Variants in GALNT18 observed in about 807,000 individuals in gnomAD.
GALNT18 encodes GalNAc-transferase 18.
In GALNT18, 44 loss-of-function variants were observed where a neutral mutation model predicts 69.5. That is an observed-to-expected ratio of 0.63 (90% CI 0.50 to 0.81). GALNT18 has a LOEUF of 0.81. Ranked by LOEUF, GALNT18 falls within the 40% of genes least tolerant of loss-of-function variation. The pLI is 0.00. For synonymous variants in GALNT18, 364 were observed against 318.2 expected (o/e 1.14, Z -1.53); for missense variants, 715 against 810.0 (o/e 0.88, Z 1.42).
chr11:11,372,003 A>G lies in GALNT18; in HGVS notation c.1092+512T>C, dbSNP rs1344830146. On this transcript the variant is annotated intron_variant, in intron 6 of 10. Coordinates refer to ENST00000227756, the MANE Select transcript of GALNT18 (RefSeq NM_198516.3). The surrounding 1 kb of genome is among the most constrained non-coding windows in gnomAD (Gnocchi z 4.9). ...GTGGGTCTGGCTAGCACCTGGGATCAGAAAGCAGCCTGCAGTGAGCCTGGC... is the reference window on the plus strand; with the variant it reads ...GTGGGTCTGGCTAGCACCTGGGATCGGAAAGCAGCCTGCAGTGAGCCTGGC... Among the ~76,000 whole-genome samples, 1 of 152,214 alleles carries G rather than the reference A, an allele frequency of 6.6e-6. No homozygotes were observed. The highest frequency in any genetic ancestry group is 2.4e-5 in the African/African-American group (1 of 41,458).
chr11:11,380,836 T>A (rs1853896336), intron 3 of GALNT18, among the ~76,000 whole-genome samples: 1 of 152,242 alleles, frequency 6.6e-6, no homozygotes, highest in African/African-American at 2.4e-5. Context: ...TTACCCAATG[T>A]CTTTCTTATC....
intron 10 of GALNT18, among the ~76,000 whole-genome samples, chr11:11,280,361 T>C (rs903200294): frequency 2.6e-5 from 4 of 152,130 alleles, no homozygotes; most frequent in African/African-American, 9.7e-5. Flanking sequence ...CTCACATGCC[T>C]AATGGCCTCT....
intron 3 of GALNT18, among the ~76,000 whole-genome samples, chr11:11,391,090 T>C (rs1345604486): frequency 6.6e-6 from 1 of 152,220 alleles, no homozygotes; most frequent in Non-Finnish European, 1.5e-5. Context: ...CCCTCTGTCC[T>C]GCATTTCTGA....
rs1853976603 is a variant in GALNT18, at chr11:11,383,706, TG to T, written c.596-4443del. Among the ~76,000 whole-genome samples the T allele has an allele frequency of 2.0e-5, 3 of 152,350 alleles. No homozygotes were observed. The South Asian group carries it at 6.2e-4, about 32-fold the overall frequency. ...TCCCCACCCAAATCTCATCTTGAAT[TG>T]TAATCCCCATGTGTTAAGGTGATTG... On this transcript the variant is annotated intron_variant, in intron 3 of 10. Transcript: ENST00000227756. This position sits in a 1 kb window ranked among gnomAD's most constrained non-coding sequence, Gnocchi z 5.2.
At chr11:11,479,132 C>T (rs1856468920) in intron 1 of GALNT18, among the ~76,000 whole-genome samples, 1 of 152,216 alleles carries the variant, frequency 6.6e-6, no homozygotes, top group African/African-American at 2.4e-5. Flanking sequence ...CTCTGTTTGG[C>T]TTCCCAATTC....
rs1859136022 is a variant in GALNT18 at position 11,583,472 on chromosome 11, A to T, written c.235+37887T>A. ...TAGGTGAAAATAAAATCCACGGGGT[A>T]AAAAGGTTTCTAGCTCTGTTTCTGG... is the stretch of plus-strand genomic sequence containing the variant. On this transcript the variant is annotated intron_variant, in intron 1 of 10. Transcript: ENST00000227756. This position sits in a 1 kb window ranked among gnomAD's most constrained non-coding sequence, Gnocchi z 4.7. Among the ~76,000 whole-genome samples the T allele has an allele frequency of 6.6e-6, 1 of 152,212 alleles. No individual in the cohort carries two copies. Among genetic ancestry groups the T allele is most frequent in the African/African-American group, 2.4e-5 (1 of 41,446 alleles).
Position 11,564,699 on chromosome 11 carries a change from G to T in GALNT18, c.235+56660C>A, listed in dbSNP as rs1052203043. 2.3e-4 allele frequency among the ~76,000 whole-genome samples: 35 copies of T among 152,180 alleles called. No homozygotes were observed. Among genetic ancestry groups the T allele is most frequent in the African/African-American group, 8.4e-4 (35 of 41,434 alleles). On this transcript the variant is annotated intron_variant, in intron 1 of 10. Coordinates refer to ENST00000227756, the MANE Select transcript of GALNT18 (RefSeq NM_198516.3). The surrounding 1 kb of genome is among the most constrained non-coding windows in gnomAD (Gnocchi z 4.3). ...ACCCTGCTAACCCAAGAAGTATCCA[G>T]CCAGTCAACCCACACAGCACATTTG...
rs565116353 is a variant in GALNT18, at chr11:11,546,037, A to G, written c.235+75322T>C. Among the ~76,000 whole-genome samples, 2 of 152,250 alleles carry G rather than the reference A, an allele frequency of 1.3e-5. No individual in the cohort carries two copies. Among genetic ancestry groups the G allele is most frequent in the East Asian group, 3.9e-4 (2 of 5,150 alleles). On this transcript the variant is annotated intron_variant, in intron 1 of 10. Coordinates refer to ENST00000227756, the MANE Select transcript of GALNT18 (RefSeq NM_198516.3). This position sits in a 1 kb window ranked among gnomAD's most constrained non-coding sequence, Gnocchi z 5.8. ...AGGTTCCCAGCTTTAGAACATTGGC[A>G]AACAAGCAGGATTAGGCCCCTCTTC...
At chr11:11,331,771 C>T (rs569583737) in intron 8 of GALNT18, among the ~76,000 whole-genome samples, 1 of 152,260 alleles carries the variant, frequency 6.6e-6, no homozygotes, top group South Asian at 2.1e-4. Flanking sequence ...GCTAATCCTA[C>T]ACAGAGTAGT....
chr11:11,345,107 G>T (rs961764074), intron 6 of GALNT18, among the ~76,000 whole-genome samples: 1 of 152,112 alleles, frequency 6.6e-6, no homozygotes, highest in African/African-American at 2.4e-5. Context: ...CAGCAGAGGG[G>T]TACACAACGC....
intron 1 of GALNT18, among the ~76,000 whole-genome samples, chr11:11,451,545 G>A (rs1053034544): frequency 1.3e-5 from 2 of 152,162 alleles, no homozygotes; most frequent in African/African-American, 4.8e-5. Context: ...GAGGTGGAGG[G>A]CCTACAGCAG....
intron 10 of GALNT18, 124 bp downstream of exon 10, chr11:11,292,905 C>T (rs1000958839): frequency 2.8e-5 from 24 of 861,146 alleles, no homozygotes; most frequent in Admixed American, 7.0e-5. Context: ...GAGCCACAGC[C>T]TCACTACTGC....
intron 2 of GALNT18, among the ~76,000 whole-genome samples, chr11:11,441,977 T>C (rs901993171): frequency 2.6e-5 from 4 of 152,234 alleles, no homozygotes; most frequent in Non-Finnish European, 4.4e-5. Flanking sequence ...ACTAATATTG[T>C]CACTGTAACA....
At chr11:11,504,760 A>AATAT (rs35308753) in intron 1 of GALNT18, among the ~76,000 whole-genome samples, 353 of 149,590 alleles carry the variant, frequency 2.4e-3, no homozygotes, top group African/African-American at 6.1e-3. Flanking sequence ...CCCATCTCAA[A>AATAT]ATATATATAT....
chr11:11,317,113 T>G (rs979032585), intron 9 of GALNT18, among the ~76,000 whole-genome samples: 2 of 138,214 alleles, frequency 1.4e-5, no homozygotes, highest in Non-Finnish European at 3.2e-5. Context: ...GCTGCTAATT[T>G]AAACAAAATG....
chr11:11,416,577 T>G (rs1047836733), intron 3 of GALNT18, among the ~76,000 whole-genome samples: 21 of 152,344 alleles, frequency 1.4e-4, no homozygotes, highest in African/African-American at 4.8e-4. Flanking sequence ...GATTTGCTTT[T>G]GTAAAGCTCC....
At position 11,291,374 on chromosome 11, in the gene GALNT18, G is replaced by A. The variant is rs181709097; in HGVS notation, c.1677+1655C>T. ...CAACATGAGCACCTTGGGCATGTTC[G>A]TTAACTTCTCTGTGACTCAGTTTCC... On this transcript the variant is annotated intron_variant, in intron 10 of 10. Transcript: ENST00000227756. Among the ~76,000 whole-genome samples the A allele has an allele frequency of 3.9e-5, 6 of 152,302 alleles. No individual in the cohort carries two copies. The East Asian group carries it at 9.6e-4, about 24-fold the overall frequency.
chr11:11,501,808 C>T (rs758992482), intron 1 of GALNT18, among the ~76,000 whole-genome samples: 3 of 152,170 alleles, frequency 2.0e-5, no homozygotes, highest in African/African-American at 7.2e-5. Context: ...CTCCAAGTTG[C>T]GAAGATGCCT....
intron 1 of GALNT18, among the ~76,000 whole-genome samples, chr11:11,572,361 C>A (rs1048344815): frequency 2.6e-5 from 4 of 152,196 alleles, no homozygotes; most frequent in Non-Finnish European, 4.4e-5. Context: ...CATTTATCAA[C>A]TGTCAGCACC....
Sources: gnomAD v4.1 joint callset for allele counts (sites outside exome capture counted in the v4.1 genomes callset) on GRCh38, gnomAD v4.1.1 for gene constraint, Gnocchi (gnomAD v3.1) non-coding constraint, MANE v1.5 for transcripts, NCBI Gene and HGNC (gene_info 2026-07-23, HGNC 2026-07-21) for gene names.